The following CST7 variants were observed in gnomAD, a reference collection of about 807,000 sequenced individuals.
The protein encoded by CST7 is cystatin F.
A neutral mutation model predicts 13.1 loss-of-function variants in CST7; 15 were observed. That is an observed-to-expected ratio of 1.14 (90% CI 0.77 to 1.76). The LOEUF (loss-of-function observed/expected upper bound fraction) is 1.76. Ranked by LOEUF, CST7 falls within the 40% of genes most tolerant of loss-of-function variation. The pLI is 0.00. For missense variants in CST7, 193 were observed against 178.8 expected (o/e 1.08, Z -0.45); for synonymous variants, 75 against 66.9 (o/e 1.12, Z -0.59).
chr20:24,959,506 G>C, intron 3 of CST7, 129 bp from the exon 4 acceptor site: 2 of 772,888 alleles, frequency 2.6e-6, no homozygotes, highest in African/African-American at 1.7e-5. Context: ...GTTTTCTGTA[G>C]GTTTGAAATT....
At chr20:24,955,074 G>C (rs1292924538) in intron 1 of CST7, among the ~76,000 whole-genome samples, 1 of 151,750 alleles carries the variant, frequency 6.6e-6, no homozygotes, top group Non-Finnish European at 1.5e-5. Flanking sequence ...ACGCTAATCT[G>C]ACAGCAAAAA....
intron 3 of CST7, among the ~76,000 whole-genome samples, chr20:24,959,297 G>A (rs1436556888): frequency 6.6e-6 from 1 of 152,112 alleles, no homozygotes; most frequent in Non-Finnish European, 1.5e-5. Flanking sequence ...GCGTCCTGGG[G>A]TGCGAGTGGA....
chr20:24,958,887 C>A, intron 2 of CST7, 41 bp from the exon 3 acceptor site: 1 of 1,468,788 alleles, frequency 6.8e-7, no homozygotes, highest in Non-Finnish European at 9.5e-7. Flanking sequence ...CCTGCCCTCC[C>A]TCCCCTGTGC....
chr20:24,959,285 G>A (rs2087880250), intron 3 of CST7, among the ~76,000 whole-genome samples: 1 of 152,212 alleles, frequency 6.6e-6, no homozygotes, highest in African/African-American at 2.4e-5. Flanking sequence ...AGCTCTGGAA[G>A]AGCGTCCTGG....
chr20:24,949,766 G>C (rs560054831), intron 1 of CST7, among the ~76,000 whole-genome samples, 191 bp downstream of exon 1: 1 of 152,214 alleles, frequency 6.6e-6, no homozygotes, highest in African/African-American at 2.4e-5. Context: ...GGGGTAGCAG[G>C]CTACAGGGAT....
chr20:24,955,670 C>G (rs1043138378), intron 1 of CST7, among the ~76,000 whole-genome samples: 2 of 152,124 alleles, frequency 1.3e-5, no homozygotes, highest in African/African-American at 4.8e-5. Context: ...AGGATGGCCT[C>G]GATCTCCTGA....
intron 1 of CST7, among the ~76,000 whole-genome samples, chr20:24,956,999 GA>G (rs1568806017): frequency 7.8e-6 from 1 of 127,962 alleles, no homozygotes; most frequent in East Asian, 2.3e-4. Context: ...GGGGACAGGT[GA>G]GGGGGCAGGT....
At chr20:24,959,187 G>A (rs2087879407) in intron 3 of CST7, 143 bp downstream of exon 3, 14 of 677,538 alleles carry the variant, frequency 2.1e-5, no homozygotes, top group Non-Finnish European at 3.1e-5. Context: ...CCAGACTCCC[G>A]CACGACTGAG....
At chr20:24,959,502 T>C in intron 3 of CST7, 133 bp from the exon 4 acceptor site, 1 of 738,630 alleles carries the variant, frequency 1.4e-6, no homozygotes, top group Non-Finnish European at 2.3e-6. Flanking sequence ...TCAAGTTTTC[T>C]GTAGGTTTGA....
At chr20:24,951,739 T>G (rs576863307) in intron 1 of CST7, among the ~76,000 whole-genome samples, 6 of 152,214 alleles carry the variant, frequency 3.9e-5, no homozygotes, top group Non-Finnish European at 8.8e-5. Context: ...ACCATAGCGC[T>G]GAGCCCCTCA....
At chr20:24,955,836 ACAGCTATCCACCAGCACACAGGAC>A (rs1234097025) in intron 1 of CST7, among the ~76,000 whole-genome samples, 1 of 152,164 alleles carries the variant, frequency 6.6e-6, no homozygotes, top group Non-Finnish European at 1.5e-5. Context: ...AGCGCAGGAC[ACAGCTATCCACCAGCACACAGGAC>A]CAGCACGTGG....
chr20:24,952,445 G>A (rs930378200), intron 1 of CST7, among the ~76,000 whole-genome samples: 1 of 152,232 alleles, frequency 6.6e-6, no homozygotes, highest in Non-Finnish European at 1.5e-5. Context: ...TCCGCCATTA[G>A]CCATCAGGCA....
At position 24,959,017 on chromosome 20, in the gene CST7, C is replaced by A. The variant is rs1381414810; in HGVS notation, c.333C>A (p.Asp111Glu). The change falls in exon 3 of 4, where the codon GAC becomes GAA. Residue 111 changes from aspartate to glutamate, a missense_variant. Coordinates refer to ENST00000480798, the MANE Select transcript of CST7 (RefSeq NM_003650.4). ...AGCACCTGCGTCTGGATGACTGTGA[C>A]TTCCAAACCAACCACACCTTGAAGC... ...KNQHLRLDDC[D>E]FQTNHTLKQT... 1 of 1,613,946 alleles carries A rather than the reference C, an allele frequency of 6.2e-7. No homozygotes were observed. Among genetic ancestry groups the A allele is most frequent in the Non-Finnish European group, 8.5e-7 (1 of 1,179,822 alleles).
intron 2 of CST7, among the ~76,000 whole-genome samples, chr20:24,957,669 C>A (rs1280893024): frequency 1.3e-5 from 2 of 152,130 alleles, no homozygotes; most frequent in Non-Finnish European, 2.9e-5. Flanking sequence ...TTACACAAAG[C>A]ACACGGCTCC....
In CST7 at chr20:24,949,576, G is replaced by GT; in HGVS notation, c.70+2dup. On this transcript the variant is annotated splice_donor_variant, in intron 1 of 3. Transcript: ENST00000480798. LOFTEE classifies it high-confidence loss of function. ...AGCACCACTGGGGGCCCTTCCCCAG[G>GT]TAAGTGGCGTTCTCCCCTGTCCGCT... 6.2e-7 allele frequency: 1 copy of GT among 1,614,026 alleles called. No homozygotes were observed. The highest frequency in any genetic ancestry group is 8.5e-7 in the Non-Finnish European group (1 of 1,179,998).
intron 2 of CST7, 129 bp downstream of exon 2, chr20:24,957,588 A>C (rs1400251331): frequency 2.2e-6 from 2 of 920,002 alleles, no homozygotes; most frequent in Non-Finnish European, 3.3e-6. Context: ...CTGAGCAGAA[A>C]GCAGATGCAC....
intron 2 of CST7, 82 bp downstream of exon 2, chr20:24,957,541 G>A (rs2087866953): frequency 2.9e-6 from 4 of 1,397,736 alleles, no homozygotes; most frequent in Non-Finnish European, 3.0e-6. Context: ...GGAGAGCAGG[G>A]CGGATATAAT....
intron 2 of CST7, among the ~76,000 whole-genome samples, chr20:24,958,563 C>G (rs559163812): frequency 2.0e-5 from 3 of 152,316 alleles, no homozygotes; most frequent in South Asian, 4.1e-4. Flanking sequence ...AGGGGAAGCC[C>G]GCAGACCCCA....
rs35525649 is a variant in CST7 at position 24,949,510 on chromosome 20, G to A, written c.5G>A (p.Arg2Gln). Residue 2 changes from arginine (R) to glutamine (Q), a missense_variant, in exon 1 of 4, where the codon CGA (arginine) becomes CAA (glutamine). Coordinates refer to ENST00000480798, the MANE Select transcript of CST7 (RefSeq NM_003650.4). The stretch of plus-strand genomic sequence containing the variant: ...ACTGTCCCTACCCGGGCAGCCATGC[G>A]AGCGGCTGGAACTCTGCTGGCCTTC... M[R>Q]AAGTLLAFCC... is the part of the protein sequence containing the mutation. The A allele has an allele frequency of 1.0e-3, 1,675 of 1,614,118 alleles. 14 individuals are homozygous for A. In the African/African-American group the frequency reaches 0.019, roughly 19 times the overall value.
Sources: gnomAD v4.1 joint callset for allele counts (sites outside exome capture counted in the v4.1 genomes callset) on GRCh38, gnomAD v4.1.1 for gene constraint, MANE v1.5 for transcripts, NCBI Gene and HGNC (gene_info 2026-07-23, HGNC 2026-07-21) for gene names.